Variants in DLG2 observed in about 807,000 individuals in gnomAD.
DLG2 encodes discs large MAGUK scaffold protein 2.
A neutral mutation model predicts 132.5 loss-of-function variants in DLG2; 45 were observed. The observed-to-expected ratio is 0.34, with a 90% CI of 0.27 to 0.44. The LOEUF is 0.44. Among genes scored for constraint, DLG2 ranks in the 20% least tolerant of loss-of-function variants. DLG2 has a pLI of 1.00. For synonymous variants in DLG2, 424 were observed against 419.6 expected, an observed-to-expected ratio of 1.01 and a Z score of -0.13; for missense variants, 1,045 against 1,196.9, an observed-to-expected ratio of 0.87 and a Z score of 1.87.
intron 6 of DLG2, among the ~76,000 whole-genome samples, chr11:84,819,504 T>G (rs1219017027): frequency 6.6e-6 from 1 of 151,874 alleles, no homozygotes; most frequent in Non-Finnish European, 1.5e-5. Flanking sequence ...TGAGCCCTTT[T>G]CATGCCTATA....
At chr11:85,501,949 C>A (rs186129538) in intron 3 of DLG2, among the ~76,000 whole-genome samples, 1 of 152,068 alleles carries the variant, frequency 6.6e-6, no homozygotes, top group Non-Finnish European at 1.5e-5. Flanking sequence ...AATCATTCTA[C>A]GATAAAGACA....
intron 7 of DLG2, among the ~76,000 whole-genome samples, chr11:84,528,444 C>T (rs1406274286): frequency 2.0e-5 from 3 of 152,124 alleles, no homozygotes; most frequent in Non-Finnish European, 2.9e-5. Flanking sequence ...AAGTAATACA[C>T]GACGATGGAG....
intron 18 of DLG2, among the ~76,000 whole-genome samples, chr11:83,637,584 GGATCGCCGT>G (rs140790): frequency 0.3 from 45,501 of 151,744 alleles, 7,017 homozygotes; most frequent in African/African-American, 0.34. Context: ...ATTCAACCCT[GGATCGCCGT>G]GAAGCCATTT....
At chr11:84,718,708 T>C (rs2061481012) in intron 6 of DLG2, among the ~76,000 whole-genome samples, 1 of 152,200 alleles carries the variant, frequency 6.6e-6, no homozygotes, top group Non-Finnish European at 1.5e-5. Context: ...ATTGCAAGGA[T>C]GCTACTGTAA....
chr11:84,872,228 A>G (rs571924039), intron 6 of DLG2, among the ~76,000 whole-genome samples: 2 of 152,274 alleles, frequency 1.3e-5, no homozygotes, highest in South Asian at 2.1e-4. Context: ...GTAGATTCCT[A>G]TTGTTTCATC....
chr11:85,265,652 TTC>T lies in DLG2; in HGVS notation c.186+19566_186+19567del, dbSNP rs1375339723. Among the ~76,000 whole-genome samples the T allele has an allele frequency of 3.3e-5, 5 of 152,320 alleles. No homozygotes were observed. The East Asian group carries it at 9.7e-4, about 29-fold the overall frequency. ...CCTGTTTGCCTGCTCTCTTGATTGG[TTC>T]TTTCTGATTAATGTCTTTTTACCAA... On this transcript the variant is annotated intron_variant, in intron 4 of 27. Coordinates refer to ENST00000376104, the MANE Select transcript of DLG2 (RefSeq NM_001142699.3).
chr11:84,127,701 T>A (rs1283554627), intron 9 of DLG2, among the ~76,000 whole-genome samples: 1 of 152,196 alleles, frequency 6.6e-6, no homozygotes, highest in Admixed American at 6.5e-5. Context: ...TCAAAAGCCC[T>A]GGGATTACAG....
intron 6 of DLG2, among the ~76,000 whole-genome samples, chr11:84,757,954 C>T (rs75826712): frequency 6.6e-6 from 1 of 152,146 alleles, no homozygotes; most frequent in South Asian, 2.1e-4. Context: ...GCCTAACCAG[C>T]AGAAGTCAAC....
At chr11:85,357,054 T>C (rs1018095468) in intron 3 of DLG2, among the ~76,000 whole-genome samples, 8 of 34,126 alleles carry the variant, frequency 2.3e-4, no homozygotes, top group Non-Finnish European at 9.4e-5. Flanking sequence ...GTGTCTCTTA[T>C]AGAAATGGCA....
intron 11 of DLG2, 110 bp downstream of exon 11, chr11:84,059,205 G>A (rs1244479623): frequency 2.1e-5 from 22 of 1,051,952 alleles, no homozygotes; most frequent in Non-Finnish European, 3.1e-5. Flanking sequence ...AAATCTCTTG[G>A]TAAGCACTGA....
chr11:85,042,355 G>A (rs974377429), intron 6 of DLG2, among the ~76,000 whole-genome samples: 1 of 151,942 alleles, frequency 6.6e-6, no homozygotes, highest in East Asian at 1.9e-4. Context: ...TGTTTTAAAA[G>A]TTGCTAATAT....
intron 22 of DLG2, chr11:83,483,148 T>C (rs2093258059): frequency 1.1e-6 from 1 of 876,080 alleles, no homozygotes; most frequent in Non-Finnish European, 1.9e-6. Flanking sequence ...ACTCGTATCT[T>C]GTGCATGCTA....
intron 6 of DLG2, among the ~76,000 whole-genome samples, chr11:84,585,255 T>C (rs1373573295): frequency 1.3e-5 from 2 of 152,146 alleles, no homozygotes; most frequent in Non-Finnish European, 2.9e-5. Context: ...ATGAGGTAGG[T>C]ACTATTAGGA....
chr11:83,503,404 T>G (rs375136409), intron 21 of DLG2, among the ~76,000 whole-genome samples: 1,601 of 47,374 alleles, frequency 0.034, 112 homozygotes, highest in African/African-American at 0.081. Flanking sequence ...TATATATATA[T>G]ATATATATAT....
intron 17 of DLG2, among the ~76,000 whole-genome samples, chr11:83,806,708 C>T (rs1370682524): frequency 6.6e-6 from 1 of 152,140 alleles, no homozygotes; most frequent in Non-Finnish European, 1.5e-5. Flanking sequence ...CTGAGGGTGA[C>T]TACAGCTTTA....
At chr11:84,887,831 T>C (rs1476745346) in intron 6 of DLG2, among the ~76,000 whole-genome samples, 2 of 152,136 alleles carry the variant, frequency 1.3e-5, no homozygotes, top group African/African-American at 4.8e-5. Context: ...ATCGATTCCC[T>C]GAGCTGCATA....
intron 19 of DLG2, among the ~76,000 whole-genome samples, chr11:83,604,706 G>A (rs879506364): frequency 7.2e-5 from 11 of 152,274 alleles, no homozygotes; most frequent in Admixed American, 6.5e-4. Flanking sequence ...TGCCACTCAG[G>A]TGTGGAATTT....
At chr11:83,820,750 C>T (rs1056435414) in intron 17 of DLG2, among the ~76,000 whole-genome samples, 2 of 152,080 alleles carry the variant, frequency 1.3e-5, no homozygotes, top group Admixed American at 1.3e-4. Context: ...AAAAGCACAG[C>T]AAATATGTAG....
At chr11:84,109,532 T>G (rs1317129905) in intron 9 of DLG2, among the ~76,000 whole-genome samples, 2 of 152,224 alleles carry the variant, frequency 1.3e-5, no homozygotes, top group Non-Finnish European at 2.9e-5. Flanking sequence ...TAAGATCTGA[T>G]TTAAGATGTT....
Sources: allele counts gnomAD v4.1 joint callset (sites outside exome capture counted in the v4.1 genomes callset), GRCh38; gene constraint gnomAD v4.1.1; transcripts MANE v1.5; gene names NCBI Gene and HGNC (gene_info 2026-07-23, HGNC 2026-07-21).